The following RNF151 variants were observed in gnomAD, a reference collection of about 807,000 sequenced individuals.
RNF151 encodes the protein ring finger protein 151.
In RNF151, 9 loss-of-function variants were observed where a neutral mutation model predicts 11.1. The observed-to-expected ratio is 0.81, with a 90% confidence interval of 0.49 to 1.42. The LOEUF (loss-of-function observed/expected upper bound fraction) is 1.42. RNF151 is among the 40% of genes most tolerant of loss of function. RNF151 has a pLI of 0.00. For synonymous variants in RNF151, 172 were observed against 140.7 expected, an observed-to-expected ratio of 1.22 and a Z score of -1.58; for missense variants, 372 against 342.9, an observed-to-expected ratio of 1.08 and a Z score of -0.67.
At chr16:1,967,693 C>G in intron 2 of RNF151, 32 bp from the exon 3 acceptor site, 1 of 1,555,056 alleles carries the variant, frequency 6.4e-7, no homozygotes, top group Non-Finnish European at 8.8e-7. Flanking sequence ...TTCCCACTCC[C>G]AACACTCACC....
Position 1,968,820 on chromosome 16 carries a change from C to G in RNF151, c.633C>G (p.Thr211=), listed in dbSNP as rs779583468. 2 of 1,593,064 alleles carry G rather than the reference C, an allele frequency of 1.3e-6. No homozygotes were observed. The highest frequency in any genetic ancestry group is 1.8e-5 in the Admixed American group (1 of 57,136). ...AELSNFLEED[T]ALLEGAPQEE... is the part of the protein sequence containing the mutation. ...TCAGCAACTTCCTGGAGGAAGACACCGCTCTGCTGGAGGGTGCCCCACAGG... is the reference window on the plus strand; with the variant it reads ...TCAGCAACTTCCTGGAGGAAGACACGGCTCTGCTGGAGGGTGCCCCACAGG... Residue 211 remains threonine, a synonymous_variant, in exon 4 of 4, where the codon ACC becomes ACG. Transcript: ENST00000569714.
Position 1,967,414 on chromosome 16 carries a change from A to G in RNF151, c.144A>G (p.Leu48=). 1 of 1,613,120 alleles carries G rather than the reference A, an allele frequency of 6.2e-7. No individual in the cohort carries two copies. Among genetic ancestry groups the G allele is most frequent in the Non-Finnish European group, 8.5e-7 (1 of 1,179,550 alleles). ...GCAAAAAGTGCATCCTCCGGTGGCT[A>G]GCCAGGTGCCAGCGGGTACCCAAGG... ...IFCKKCILRW[L]ARQKTCPCCR... The change falls in exon 2 of 4, where the codon CTA becomes CTG. Residue 48 remains leucine (L), a synonymous_variant. Coordinates refer to ENST00000569714, the MANE Select transcript of RNF151 (RefSeq NM_174903.6).
chr16:1,968,032 G>A (rs909817877), intron 3 of RNF151: 2 of 702,516 alleles, frequency 2.8e-6, no homozygotes, highest in Non-Finnish European at 5.2e-6. Flanking sequence ...CAAGCCCCTG[G>A]GTTAGAAAAT....
At position 1,967,453 on chromosome 16, in the gene RNF151, G is replaced by A. The variant is rs755895158; in HGVS notation, c.149+34G>A. 5.7e-6 allele frequency: 9 copies of A among 1,590,416 alleles called. No homozygotes were observed. In the African/African-American group the frequency reaches 1.2e-4, roughly 21 times the overall value. On this transcript the variant is annotated intron_variant, in intron 2 of 3. Coordinates refer to ENST00000569714, the MANE Select transcript of RNF151 (RefSeq NM_174903.6). Reference sequence around the variant, plus strand: ...GGGTACCCAAGGGGCTGGGAGGGCAGGAGTGAGACTGGGGGCCATTGCTGT... The same window carrying A: ...GGGTACCCAAGGGGCTGGGAGGGCAAGAGTGAGACTGGGGGCCATTGCTGT...
Position 1,968,811 on chromosome 16 carries a change from G to T in RNF151, c.624G>T (p.Glu208Asp). ...RELAELSNFL[E>D]EDTALLEGAP... ...TGGCGGAGCTCAGCAACTTCCTGGA[G>T]GAAGACACCGCTCTGCTGGAGGGTG... Residue 208 changes from glutamate (E) to aspartate (D), a missense_variant, in exon 4 of 4, where the codon GAG (glutamate) becomes GAT (aspartate). Glu to Asp is a conservative substitution (Grantham distance 45, BLOSUM62 2). Transcript: ENST00000569714. 6.3e-7 allele frequency: 1 copy of T among 1,593,734 alleles called. No individual in the cohort carries two copies. Among genetic ancestry groups the T allele is most frequent in the Non-Finnish European group, 8.5e-7 (1 of 1,170,960 alleles).
chr16:1,967,877 G>A (rs779259997), intron 3 of RNF151, 56 bp downstream of exon 3: 23 of 1,288,290 alleles, frequency 1.8e-5, no homozygotes, highest in East Asian at 1.5e-4. Context: ...TTGTAGGGGT[G>A]GGGCAGGGCT....
chr16:1,967,682 C>T (rs1315256705), intron 2 of RNF151, 43 bp from the exon 3 acceptor site: 1 of 1,502,158 alleles, frequency 6.7e-7, no homozygotes, highest in Admixed American at 1.8e-5. Context: ...CCAGGGCTCC[C>T]TTCCCACTCC....
Position 1,967,740 on chromosome 16 carries a change from G to A in RNF151, c.165G>A (p.Pro55=), listed in dbSNP as rs188516141. 3.0e-5 allele frequency: 48 copies of A among 1,610,898 alleles called. No individual in the cohort carries two copies. Among genetic ancestry groups the A allele is most frequent in the East Asian group, 8.9e-5 (4 of 44,844 alleles). Residue 55 remains proline, a synonymous_variant, in exon 3 of 4, where the codon CCG becomes CCA. Coordinates refer to ENST00000569714, the MANE Select transcript of RNF151 (RefSeq NM_174903.6). ...CTCCTTCCAGACAAAAGACCTGTCCGTGCTGTAGGAAAGAGGTGAAAAGGA... is the reference window on the plus strand; with the variant it reads ...CTCCTTCCAGACAAAAGACCTGTCCATGCTGTAGGAAAGAGGTGAAAAGGA... ...LRWLARQKTC[P]CCRKEVKRKK...
chr16:1,968,000 T>C (rs953867011), intron 3 of RNF151, 179 bp downstream of exon 3: 20 of 706,796 alleles, frequency 2.8e-5, no homozygotes, highest in Non-Finnish European at 4.1e-5. Flanking sequence ...TGTGTGACTT[T>C]AGGCAAGTCA....
At chr16:1,968,408 C>T in intron 3 of RNF151, 26 bp from the exon 4 acceptor site, 1 of 1,506,480 alleles carries the variant, frequency 6.6e-7, no homozygotes, top group Non-Finnish European at 8.9e-7. Context: ...TGCCCGGTTT[C>T]TTCACACGTT....
Position 1,968,731 on chromosome 16 carries a change from C to A in RNF151, c.544C>A (p.Leu182Ile). The A allele has an allele frequency of 6.4e-7, 1 of 1,570,946 alleles. No homozygotes were observed. Among genetic ancestry groups the A allele is most frequent in the East Asian group, 2.4e-5 (1 of 42,050 alleles). ...GCGCCGTCGGCCCCTGCTGCTGTCC[C>A]TCCTGCGGCGTGTGCGCTGGCTGGA... ...QERRRPLLLS[L>I]LRRVRWLDQA... The change falls in exon 4 of 4, where the codon CTC becomes ATC. Residue 182 changes from leucine (L) to isoleucine (I), a missense_variant. Leu to Ile is a conservative substitution (Grantham distance 5). Transcript: ENST00000569714.
intron 3 of RNF151, 87 bp from the exon 4 acceptor site, chr16:1,968,347 C>G: frequency 7.0e-7 from 1 of 1,430,944 alleles, no homozygotes; most frequent in Non-Finnish European, 9.2e-7. Context: ...CTCCCGGTTC[C>G]CTGGTTCCTG....
chr16:1,967,409 T>G lies in RNF151; in HGVS notation c.139T>G (p.Trp47Gly). Residue 47 changes from tryptophan to glycine, a missense_variant, in exon 2 of 4, where the codon TGG (tryptophan) becomes GGG (glycine). Coordinates refer to ENST00000569714, the MANE Select transcript of RNF151 (RefSeq NM_174903.6). ...CTTCTGCAAAAAGTGCATCCTCCGG[T>G]GGCTAGCCAGGTGCCAGCGGGTACC... The part of the protein sequence containing the change: ...HIFCKKCILR[W>G]LARQKTCPCC... The G allele has an allele frequency of 6.2e-7, 1 of 1,613,270 alleles. No homozygotes were observed. Among genetic ancestry groups the G allele is most frequent in the Non-Finnish European group, 8.5e-7 (1 of 1,179,646 alleles).
chr16:1,968,844 G>T lies in RNF151; in HGVS notation c.657G>T (p.Gln219His). Residue 219 changes from glutamine (Q) to histidine (H), a missense_variant, in exon 4 of 4, where the codon CAG (glutamine) becomes CAT (histidine). Coordinates refer to ENST00000569714, the MANE Select transcript of RNF151 (RefSeq NM_174903.6). ...CCGCTCTGCTGGAGGGTGCCCCACAGGAGGAGGCCGAGGCTGCCCCAGAAG... is the reference window on the plus strand; with the variant it reads ...CCGCTCTGCTGGAGGGTGCCCCACATGAGGAGGCCGAGGCTGCCCCAGAAG... ...EDTALLEGAP[Q>H]EEAEAAPEGN... The T allele has an allele frequency of 6.3e-7, 1 of 1,596,018 alleles. No individual in the cohort carries two copies. The highest frequency in any genetic ancestry group is 8.5e-7 in the Non-Finnish European group (1 of 1,172,152).
rs1344716202 is a variant in RNF151, at chr16:1,968,600, C to G, written c.413C>G (p.Ser138Cys). ...AEHRQHCQQG[S>C]QQRCPLGCGA... ...CACCGGCAGCATTGCCAGCAAGGGT[C>G]CCAGCAGCGCTGCCCCCTGGGCTGC... The change falls in exon 4 of 4, where the codon TCC becomes TGC. Residue 138 changes from serine to cysteine, a missense_variant. Transcript: ENST00000569714. The G allele has an allele frequency of 6.3e-7, 1 of 1,583,308 alleles. No homozygotes were observed. The highest frequency in any genetic ancestry group is 1.8e-5 in the Admixed American group (1 of 56,436).
intron 3 of RNF151, 25 bp downstream of exon 3, chr16:1,967,846 G>A: frequency 6.5e-7 from 1 of 1,534,170 alleles, no homozygotes; most frequent in Non-Finnish European, 8.9e-7. Flanking sequence ...CCACTCCCCT[G>A]ACCCTCAACC....
rs1434537948 is a variant in RNF151 at position 1,968,673 on chromosome 16, G to A, written c.486G>A (p.Arg162=). 1.3e-6 allele frequency: 2 copies of A among 1,568,478 alleles called. No individual in the cohort carries two copies. The highest frequency in any genetic ancestry group is 2.4e-5 in the East Asian group (1 of 41,854). The change falls in exon 4 of 4, where the codon CGG becomes CGA. Residue 162 remains arginine (R), a synonymous_variant. Coordinates refer to ENST00000569714, the MANE Select transcript of RNF151 (RefSeq NM_174903.6). ...AGCGTGCTCGCCACAACTGCTACCG[G>A]GAGCTGCACAACGCCTGGAGCGTGC... is the stretch of plus-strand genomic sequence containing the variant. ...PAERARHNCY[R]ELHNAWSVRQ...
rs530443276 is a variant in RNF151 at position 1,967,406 on chromosome 16, C to T, written c.136C>T (p.Arg46Trp). 1.6e-5 allele frequency: 26 copies of T among 1,613,320 alleles called. No individual in the cohort carries two copies. Among genetic ancestry groups the T allele is most frequent in the Admixed American group, 6.7e-5 (4 of 59,974 alleles). ...CATCTTCTGCAAAAAGTGCATCCTC[C>T]GGTGGCTAGCCAGGTGCCAGCGGGT... The part of the protein sequence containing the change: ...SHIFCKKCIL[R>W]WLARQKTCPC... Residue 46 changes from arginine (R) to tryptophan (W), a missense_variant, in exon 2 of 4, where the codon CGG becomes TGG. By Grantham distance (101) the Arg-to-Trp change is moderately radical. Transcript: ENST00000569714.
At position 1,968,754 on chromosome 16, in the gene RNF151, G is replaced by C; in HGVS notation, c.567G>C (p.Leu189=). Residue 189 remains leucine, a synonymous_variant, in exon 4 of 4, where the codon CTG becomes CTC. Transcript: ENST00000569714. ...LLSLLRRVRW[L]DQATSVVRRE... is the part of the protein sequence containing the mutation. ...CCCTCCTGCGGCGTGTGCGCTGGCT[G>C]GACCAAGCCACCAGTGTCGTTCGTA... 1 of 1,581,504 alleles carries C rather than the reference G, an allele frequency of 6.3e-7. No individual in the cohort carries two copies. The highest frequency in any genetic ancestry group is 1.2e-5 in the South Asian group (1 of 86,698).
Sources: gnomAD v4.1 joint callset for allele counts on GRCh38, gnomAD v4.1.1 for gene constraint, MANE v1.5 for transcripts, NCBI Gene and HGNC (gene_info 2026-07-23, HGNC 2026-07-21) for gene names.